The following MYO5A variants were observed in gnomAD, a reference collection of about 807,000 sequenced individuals.
MYO5A encodes myosin VA.
A neutral mutation model predicts 249.7 loss-of-function variants in MYO5A; 98 were observed. That is an observed-to-expected ratio of 0.39 (90% confidence interval 0.33 to 0.46). The LOEUF is 0.46. Among genes scored for constraint, MYO5A ranks in the 20% least tolerant of loss-of-function variants. MYO5A has a pLI of 0.98. For synonymous variants in MYO5A, 778 were observed against 810.6 expected (o/e 0.96, Z 0.68); for missense variants, 1,696 against 2,308.8 (o/e 0.73, Z 5.44).
rs1457507770 is a variant in MYO5A at position 52,379,936 on chromosome 15, C to T, written c.2013-28G>A. The T allele has an allele frequency of 9.9e-6, 16 of 1,611,278 alleles. No homozygotes were observed. In the African/African-American group the frequency reaches 1.5e-4, roughly 15 times the overall value. On this transcript the variant is annotated intron_variant, in intron 16 of 41. Transcript: ENST00000399233. ...ACAAATAAAAATCAAAGCTGTTAGTCCACAAAGAACCTGGCTGGTGGCCAC... is the reference window on the plus strand; with the variant it reads ...ACAAATAAAAATCAAAGCTGTTAGTTCACAAAGAACCTGGCTGGTGGCCAC...
At chr15:52,491,522 C>T (rs1352376265) in intron 1 of MYO5A, among the ~76,000 whole-genome samples, 4 of 152,180 alleles carry the variant, frequency 2.6e-5, no homozygotes, top group South Asian at 2.1e-4. Context: ...CAGAGATCCC[C>T]GCCAGGGTTA....
At chr15:52,496,580 G>C (rs2077042000) in intron 1 of MYO5A, among the ~76,000 whole-genome samples, 1 of 152,166 alleles carries the variant, frequency 6.6e-6, no homozygotes, top group African/African-American at 2.4e-5. Context: ...TGAAAATACA[G>C]GGATCTAGAG....
intron 22 of MYO5A, among the ~76,000 whole-genome samples, chr15:52,368,722 T>C (rs545324680): frequency 6.6e-6 from 1 of 152,170 alleles, no homozygotes; most frequent in East Asian, 1.9e-4. Flanking sequence ...CTACACAACA[T>C]AGGAAACACC....
chr15:52,367,182 C>A, intron 22 of MYO5A, 58 bp from the exon 23 acceptor site: 1 of 1,444,114 alleles, frequency 6.9e-7, no homozygotes, highest in Non-Finnish European at 9.7e-7. Context: ...GCCTGATGAC[C>A]AAGGATAAAG....
intron 1 of MYO5A, among the ~76,000 whole-genome samples, chr15:52,458,915 G>C (rs1459089754): frequency 6.6e-6 from 1 of 151,780 alleles, no homozygotes. Flanking sequence ...TCAGGCACTG[G>C]TTTTTAGCAT....
chr15:52,513,632 T>C (rs2077440704), intron 1 of MYO5A, among the ~76,000 whole-genome samples: 1 of 151,640 alleles, frequency 6.6e-6, no homozygotes, highest in Non-Finnish European at 1.5e-5. Flanking sequence ...GGTTTCAACA[T>C]GCTGGCCAGG....
Position 52,383,194 on chromosome 15 carries a change from T to A in MYO5A, c.1915-6A>T, listed in dbSNP as rs772446936. ...AGGTGCAGGGAGTTTCTGAACTGCA[T>A]GAAAAAGGGCAGAAGAGGGTATCAA... is the stretch of plus-strand genomic sequence containing the variant. On this transcript the variant is annotated splice_polypyrimidine_tract_variant and splice_region_variant and intron_variant, in intron 15 of 41. Coordinates refer to ENST00000399233, the MANE Select transcript of MYO5A (RefSeq NM_001382347.1). The A allele has an allele frequency of 3.7e-6, 6 of 1,605,552 alleles. No individual in the cohort carries two copies. The highest frequency in any genetic ancestry group is 3.4e-6 in the Non-Finnish European group (4 of 1,172,448).
At chr15:52,404,892 G>A (rs1475058514) in intron 9 of MYO5A, among the ~76,000 whole-genome samples, 1 of 152,184 alleles carries the variant, frequency 6.6e-6, no homozygotes, top group African/African-American at 2.4e-5. Flanking sequence ...TGTTGGGTCT[G>A]CTTCTGAAGG....
intron 14 of MYO5A, among the ~76,000 whole-genome samples, chr15:52,386,453 T>A (rs551847366): frequency 6.6e-6 from 1 of 152,312 alleles, no homozygotes; most frequent in East Asian, 1.9e-4. Context: ...GATCTTTAAC[T>A]GAATAATACT....
chr15:52,351,592 T>G, intron 27 of MYO5A, 111 bp from the exon 28 acceptor site: 2 of 1,077,944 alleles, frequency 1.9e-6, no homozygotes, highest in Non-Finnish European at 2.8e-6. Context: ...TTCATCAGAG[T>G]TACCCTAGTG....
At chr15:52,414,229 G>C (rs1390194804) in intron 5 of MYO5A, among the ~76,000 whole-genome samples, 2 of 152,112 alleles carry the variant, frequency 1.3e-5, no homozygotes, top group Non-Finnish European at 2.9e-5. Flanking sequence ...GACATTCTCT[G>C]CCATGTTATG....
chr15:52,392,103 T>G (rs756860976), intron 11 of MYO5A, 33 bp from the exon 12 acceptor site: 1 of 1,591,526 alleles, frequency 6.3e-7, no homozygotes, highest in Non-Finnish European at 8.6e-7. Context: ...CAGTCATTAC[T>G]GGATCATTGT....
intron 1 of MYO5A, among the ~76,000 whole-genome samples, chr15:52,514,427 C>T (rs1231369851): frequency 6.6e-6 from 1 of 152,104 alleles, no homozygotes; most frequent in African/African-American, 2.4e-5. Flanking sequence ...ACTGAATGGG[C>T]AATATGAACA....
At chr15:52,519,157 T>C (rs56279946) in intron 1 of MYO5A, among the ~76,000 whole-genome samples, 23,026 of 152,156 alleles carry the variant, frequency 0.15, 1,848 homozygotes, top group Middle Eastern at 0.22. Flanking sequence ...CTTACTGTTG[T>C]GCAATAAGAA....
chr15:52,447,828 A>G (rs1316462416), intron 1 of MYO5A, among the ~76,000 whole-genome samples: 1 of 152,140 alleles, frequency 6.6e-6, no homozygotes, highest in Non-Finnish European at 1.5e-5. Context: ...AACTTGAGAG[A>G]GATGATTTAG....
chr15:52,493,157 A>G (rs2076969291), intron 1 of MYO5A, among the ~76,000 whole-genome samples: 1 of 152,224 alleles, frequency 6.6e-6, no homozygotes, highest in African/African-American at 2.4e-5. Flanking sequence ...TTGTCCAAGA[A>G]AAACTAAATC....
intron 8 of MYO5A, 124 bp downstream of exon 8, chr15:52,407,168 G>T: frequency 1.4e-6 from 1 of 735,392 alleles, no homozygotes; most frequent in Non-Finnish European, 2.5e-6. Flanking sequence ...TGTGTTCTAT[G>T]TGGAATATTA....
chr15:52,321,491 T>C lies in MYO5A; in HGVS notation c.4819A>G (p.Thr1607Ala). ...AGGCAGTGTTCATTCTGGCGAGATG[T>C]GTTGTGCTTCATAAAGCCCTAGAGT... ...SGEEGFMKHN[T>A]SRQNEHCLTN... is the part of the protein sequence containing the mutation. The change falls in exon 38 of 42, where the codon ACA (threonine) becomes GCA (alanine). Residue 1607 changes from threonine (T) to alanine (A), a missense_variant. Physicochemically the swap from Thr to Ala is moderately conservative, Grantham distance 58. This residue lies in a region of MYO5A where 625 missense variants were observed against 908.1 expected (regional missense o/e 0.69). Coordinates refer to ENST00000399233, the MANE Select transcript of MYO5A (RefSeq NM_001382347.1). The C allele has an allele frequency of 6.2e-7, 1 of 1,614,218 alleles. No individual in the cohort carries two copies. The highest frequency in any genetic ancestry group is 2.2e-5 in the East Asian group (1 of 44,888).
chr15:52,494,406 T>C (rs1404088899), intron 1 of MYO5A, among the ~76,000 whole-genome samples: 1 of 152,224 alleles, frequency 6.6e-6, no homozygotes, highest in East Asian at 1.9e-4. Flanking sequence ...TCATTTAGTA[T>C]TGGGTTACAA....
Sources: gnomAD v4.1 joint callset for allele counts (sites outside exome capture counted in the v4.1 genomes callset) on GRCh38, gnomAD v4.1.1 for gene constraint, gnomAD v4.1.1 regional missense constraint, MANE v1.5 for transcripts, NCBI Gene and HGNC (gene_info 2026-07-23, HGNC 2026-07-21) for gene names.